RALGAPA2: variants seen among roughly 807,000 people sequenced by gnomAD.
RALGAPA2 encodes the protein ral GTPase-activating protein subunit alpha-2.
Under a neutral mutation model 230.4 loss-of-function variants are expected in RALGAPA2, and 139 were observed. The observed-to-expected ratio is 0.60, with a 90% confidence interval of 0.53 to 0.69. RALGAPA2 has a LOEUF of 0.69. Ranked by LOEUF, RALGAPA2 falls within the 30% of genes least tolerant of loss-of-function variation. The pLI, the probability that RALGAPA2 is intolerant of heterozygous loss-of-function variation, is 0.00. For missense variants in RALGAPA2, 2,163 were observed against 2,276.0 expected (o/e 0.95, Z 1.01); for synonymous variants, 847 against 837.8 (o/e 1.01, Z -0.19).
intron 7 of RALGAPA2, among the ~76,000 whole-genome samples, chr20:20,637,970 G>A (rs1237435668): frequency 6.6e-6 from 1 of 151,908 alleles, no homozygotes. Flanking sequence ...ATATCAAAAG[G>A]CAAAAGCCAT....
intron 11 of RALGAPA2, among the ~76,000 whole-genome samples, chr20:20,620,065 TGCAC>T (rs1273751421): frequency 6.6e-6 from 1 of 152,230 alleles, no homozygotes; most frequent in African/African-American, 2.4e-5. Context: ...TACAGGCCAC[TGCAC>T]AACAAAAGTC....
chr20:20,472,309 T>C (rs1182707844), intron 37 of RALGAPA2: 1 of 152,242 alleles, frequency 6.6e-6, no homozygotes, highest in Non-Finnish European at 1.5e-5. Flanking sequence ...TCAGGACATC[T>C]TTCCCTCTAC....
chr20:20,464,736 C>T (rs6046874), intron 37 of RALGAPA2, among the ~76,000 whole-genome samples: 11,507 of 152,134 alleles, frequency 0.076, 703 homozygotes, highest in East Asian at 0.17. Flanking sequence ...TGTGCTTCAA[C>T]AACTTAGGGG....
intron 37 of RALGAPA2, among the ~76,000 whole-genome samples, chr20:20,458,634 G>T (rs190803928): frequency 0.01 from 1,401 of 135,834 alleles, 16 homozygotes; most frequent in Middle Eastern, 0.019. Context: ...GAAAGAGAAG[G>T]AGAGGGAGCA....
At chr20:20,415,876 A>C (rs2060154493) in intron 37 of RALGAPA2, among the ~76,000 whole-genome samples, 1 of 152,230 alleles carries the variant, frequency 6.6e-6, no homozygotes, top group South Asian at 2.1e-4. Flanking sequence ...GAATCTGAGA[A>C]TCTGAACCTG....
At chr20:20,524,711 G>C (rs1279935599) in intron 29 of RALGAPA2, 119 bp downstream of exon 29, 18 of 1,294,062 alleles carry the variant, frequency 1.4e-5, no homozygotes, top group Admixed American at 2.6e-5. Flanking sequence ...AAAAAAGACT[G>C]TTAAGGCCAA....
At chr20:20,460,412 T>C (rs2061274365) in intron 37 of RALGAPA2, among the ~76,000 whole-genome samples, 1 of 152,196 alleles carries the variant, frequency 6.6e-6, no homozygotes, top group South Asian at 2.1e-4. Flanking sequence ...CTATGACATG[T>C]TACCTGCTAA....
intron 35 of RALGAPA2, among the ~76,000 whole-genome samples, chr20:20,496,747 GAA>G (rs1164706321): frequency 6.6e-6 from 1 of 152,188 alleles, no homozygotes. Context: ...ACCACAAAAA[GAA>G]AATCTGAGGT....
At chr20:20,417,097 C>A (rs776356802) in intron 37 of RALGAPA2, among the ~76,000 whole-genome samples, 1 of 152,200 alleles carries the variant, frequency 6.6e-6, no homozygotes, top group Non-Finnish European at 1.5e-5. Flanking sequence ...CCACCTGGGA[C>A]GCTTCAGCCA....
chr20:20,629,305 A>T, intron 10 of RALGAPA2, 58 bp downstream of exon 10: 1 of 1,400,654 alleles, frequency 7.1e-7, no homozygotes. Flanking sequence ...AATCATTTCC[A>T]TTTCAAGAAC....
intron 21 of RALGAPA2, 86 bp from the exon 22 acceptor site, chr20:20,572,032 T>G: frequency 1.2e-6 from 1 of 852,332 alleles, no homozygotes; most frequent in East Asian, 2.7e-5. Flanking sequence ...ACCATATAGC[T>G]GCTTTCAGTT....
chr20:20,468,963 TTGTG>T lies in RALGAPA2; in HGVS notation c.5495+3862_5495+3865del, dbSNP rs754994354. On this transcript the variant is annotated intron_variant, in intron 37 of 39. Transcript: ENST00000202677. ...ATCCTGTGTGTGTGTGTGTGTGTGT[TTGTG>T]TGTGTGTGTGTGTGTGTGTGTGTAT... is the stretch of plus-strand genomic sequence containing the variant. Among the ~76,000 whole-genome samples the T allele has an allele frequency of 9.5e-3, 1,358 of 143,368 alleles. 11 individuals carry two copies. The highest frequency in any genetic ancestry group is 0.03 in the African/African-American group (1,195 of 39,516). The allele number at this position is 143,368 out of a possible 152,430, so 94.1% of individuals were successfully genotyped here. A position where few individuals can be genotyped will look rare whatever the true frequency, so the allele number is the denominator to read the frequency against.
chr20:20,643,583 T>C, intron 4 of RALGAPA2, 34 bp from the exon 5 acceptor site: 1 of 1,379,038 alleles, frequency 7.3e-7, no homozygotes, highest in Non-Finnish European at 9.7e-7. Flanking sequence ...ATAAATAGAG[T>C]ATATAAATGC....
intron 37 of RALGAPA2, among the ~76,000 whole-genome samples, chr20:20,465,893 C>T (rs1238171506): frequency 6.6e-6 from 1 of 152,214 alleles, no homozygotes; most frequent in African/African-American, 2.4e-5. Context: ...GGCCTAACTC[C>T]ACAGTTAGGT....
chr20:20,563,730 C>T (rs1423063076), intron 23 of RALGAPA2, among the ~76,000 whole-genome samples: 1 of 152,134 alleles, frequency 6.6e-6, no homozygotes, highest in Admixed American at 6.5e-5. Flanking sequence ...TTTGCCTTGA[C>T]AGATAATGGG....
rs189530666 is a variant in RALGAPA2, at chr20:20,509,002, T to C, written c.4928+2252A>G. On this transcript the variant is annotated intron_variant, in intron 33 of 39. Coordinates refer to ENST00000202677, the MANE Select transcript of RALGAPA2 (RefSeq NM_020343.4). ...CTAAAGTGCATTAACGCTCAACAAATTGACCGCAATTACATGAAACCAAGT... is the reference window on the plus strand; with the variant it reads ...CTAAAGTGCATTAACGCTCAACAAACTGACCGCAATTACATGAAACCAAGT... Among the ~76,000 whole-genome samples the C allele has an allele frequency of 5.3e-3, 811 of 152,284 alleles. 7 individuals are homozygous for C. The highest frequency in any genetic ancestry group is 0.019 in the African/African-American group (772 of 41,548).
chr20:20,485,165 A>G (rs1303119276), intron 36 of RALGAPA2, among the ~76,000 whole-genome samples: 1 of 151,828 alleles, frequency 6.6e-6, no homozygotes, highest in Non-Finnish European at 1.5e-5. Flanking sequence ...AAAAGATTGG[A>G]CAACCCTGCT....
intron 38 of RALGAPA2, among the ~76,000 whole-genome samples, chr20:20,406,830 C>T (rs528081576): frequency 6.0e-4 from 92 of 152,238 alleles, no homozygotes; most frequent in African/African-American, 2.0e-3. Context: ...GAGGATTGCT[C>T]GAGCCTGGGA....
chr20:20,411,921 A>G, intron 38 of RALGAPA2, 106 bp downstream of exon 38: 1 of 1,417,590 alleles, frequency 7.1e-7, no homozygotes, highest in Non-Finnish European at 9.8e-7. Flanking sequence ...TCAGAGGGAG[A>G]ATGCTCTTCT....
Sources: allele counts gnomAD v4.1 joint callset (sites outside exome capture counted in the v4.1 genomes callset), GRCh38; gene constraint gnomAD v4.1.1; transcripts MANE v1.5; gene names NCBI Gene and HGNC (gene_info 2026-07-23, HGNC 2026-07-21).